The following NRCAM variants were observed in gnomAD, a reference collection of about 807,000 sequenced individuals.
The protein encoded by NRCAM is neuronal cell adhesion molecule.
In NRCAM, 83 loss-of-function variants were observed where a neutral mutation model predicts 156.5. That is an observed-to-expected ratio of 0.53 (90% confidence interval 0.44 to 0.64). The LOEUF (loss-of-function observed/expected upper bound fraction) is 0.64. NRCAM is among the 30% of genes least tolerant of loss of function. NRCAM has a pLI of 0.00. For missense variants in NRCAM, 1,417 were observed against 1,597.3 expected (o/e 0.89, Z 1.92); for synonymous variants, 538 against 563.9 (o/e 0.95, Z 0.65).
At chr7:108,343,626 C>T (rs1320226370) in intron 2 of NRCAM, among the ~76,000 whole-genome samples, 1 of 152,182 alleles carries the variant, frequency 6.6e-6, no homozygotes, top group Admixed American at 6.5e-5. Flanking sequence ...GTTTCCTCCC[C>T]TCAGGATGGC....
chr7:108,209,053 G>A (rs1283360762), intron 12 of NRCAM, among the ~76,000 whole-genome samples: 2 of 152,092 alleles, frequency 1.3e-5, no homozygotes, highest in East Asian at 1.9e-4. Context: ...TAATTTCTGC[G>A]GGATAGAAAC....
At chr7:108,234,717 A>T in intron 5 of NRCAM, 29 bp from the exon 6 acceptor site, 1 of 1,476,166 alleles carries the variant, frequency 6.8e-7, no homozygotes, top group Non-Finnish European at 9.5e-7. Flanking sequence ...AAAATGTAAA[A>T]AAACAAATTA....
chr7:108,383,547 A>C (rs2099711324), intron 2 of NRCAM, among the ~76,000 whole-genome samples: 1 of 152,206 alleles, frequency 6.6e-6, no homozygotes, highest in African/African-American at 2.4e-5. Context: ...TGCAGACTTC[A>C]ACGGAGTTCC....
At chr7:108,309,899 T>A (rs1252606040) in intron 3 of NRCAM, among the ~76,000 whole-genome samples, 6 of 152,132 alleles carry the variant, frequency 3.9e-5, no homozygotes, top group Non-Finnish European at 8.8e-5. Context: ...TAAAATTGTA[T>A]AACTATTAGG....
chr7:108,393,997 G>T (rs1291024195), intron 2 of NRCAM, among the ~76,000 whole-genome samples: 1 of 152,182 alleles, frequency 6.6e-6, no homozygotes, highest in Non-Finnish European at 1.5e-5. Flanking sequence ...AACAGGACAA[G>T]GGAGTCAGAG....
chr7:108,276,765 T>C (rs1563071728), intron 3 of NRCAM, among the ~76,000 whole-genome samples: 1 of 152,226 alleles, frequency 6.6e-6, no homozygotes, highest in Non-Finnish European at 1.5e-5. Context: ...GGTGTGAATT[T>C]GATCCTGTCA....
At chr7:108,375,796 G>T (rs1389327053) in intron 2 of NRCAM, among the ~76,000 whole-genome samples, 3 of 152,096 alleles carry the variant, frequency 2.0e-5, no homozygotes, top group African/African-American at 7.2e-5. Context: ...ACAAACATGT[G>T]AAGTTTAAAA....
At chr7:108,369,178 A>C (rs568336895) in intron 2 of NRCAM, among the ~76,000 whole-genome samples, 1 of 152,212 alleles carries the variant, frequency 6.6e-6, no homozygotes, top group Admixed American at 6.5e-5. Context: ...AGAATATTCA[A>C]ACAAGCCTAT....
intron 3 of NRCAM, among the ~76,000 whole-genome samples, chr7:108,258,268 G>GCGT (rs1477695970): frequency 1.3e-5 from 2 of 152,214 alleles, no homozygotes; most frequent in Non-Finnish European, 2.9e-5. Flanking sequence ...CAACAGCCTT[G>GCGT]CGTGTGGTGC....
Position 108,331,551 on chromosome 7 carries a change from T to C in NRCAM, c.-173-18820A>G, listed in dbSNP as rs553996557. Among the ~76,000 whole-genome samples, 232 of 152,344 alleles carry C rather than the reference T, an allele frequency of 1.5e-3. 3 individuals are homozygous for C. Among genetic ancestry groups the C allele is most frequent in the Non-Finnish European group, 2.7e-3 (183 of 68,028 alleles). On this transcript the variant is annotated intron_variant, in intron 2 of 32. Coordinates refer to ENST00000379028, the MANE Select transcript of NRCAM (RefSeq NM_001037132.4). ...TTCCTTATATGTAAAATCAGGATAA[T>C]ATAGTACCTTCTTTGGAAGGCTATT...
chr7:108,326,064 C>T (rs559257676), intron 2 of NRCAM, among the ~76,000 whole-genome samples: 1 of 152,190 alleles, frequency 6.6e-6, no homozygotes, highest in East Asian at 1.9e-4. Flanking sequence ...CTGAGTATCT[C>T]ATTATTTTAA....
intron 3 of NRCAM, among the ~76,000 whole-genome samples, chr7:108,290,431 C>G (rs958556185): frequency 6.6e-6 from 1 of 152,120 alleles, no homozygotes; most frequent in Non-Finnish European, 1.5e-5. Flanking sequence ...GGGAACAACA[C>G]CATTCTTATC....
At chr7:108,272,706 T>A (rs774102097) in intron 3 of NRCAM, among the ~76,000 whole-genome samples, 1 of 152,048 alleles carries the variant, frequency 6.6e-6, no homozygotes, top group Non-Finnish European at 1.5e-5. Flanking sequence ...TATATCATGT[T>A]ATCTTTCAAA....
chr7:108,166,824 C>T, intron 30 of NRCAM, 97 bp downstream of exon 30: 2 of 1,151,358 alleles, frequency 1.7e-6, no homozygotes, highest in Non-Finnish European at 2.5e-6. Context: ...TCATGCCCTA[C>T]CCATAACACA....
At chr7:108,235,787 C>T (rs990653403) in intron 5 of NRCAM, among the ~76,000 whole-genome samples, 4 of 152,130 alleles carry the variant, frequency 2.6e-5, no homozygotes, top group African/African-American at 4.8e-5. Context: ...CATCTAACAA[C>T]GTACAGGACA....
chr7:108,227,527 C>T (rs1041979713), intron 8 of NRCAM, among the ~76,000 whole-genome samples: 1 of 152,218 alleles, frequency 6.6e-6, no homozygotes, highest in Non-Finnish European at 1.5e-5. Flanking sequence ...TACCCACAGT[C>T]ACCCTACTGT....
chr7:108,318,310 G>T (rs1438123590), intron 2 of NRCAM, among the ~76,000 whole-genome samples: 1 of 152,016 alleles, frequency 6.6e-6, no homozygotes, highest in Admixed American at 6.6e-5. Context: ...CTCCCAAAGT[G>T]TTGGGATTAC....
intron 10 of NRCAM, among the ~76,000 whole-genome samples, chr7:108,224,637 T>C (rs1305613068): frequency 6.6e-6 from 1 of 152,138 alleles, no homozygotes; most frequent in Non-Finnish European, 1.5e-5. Flanking sequence ...TTTCAACTCT[T>C]TAATGCATTA....
At chr7:108,155,793 A>T (rs1484693062) in intron 32 of NRCAM, among the ~76,000 whole-genome samples, 3 of 152,046 alleles carry the variant, frequency 2.0e-5, no homozygotes, top group South Asian at 2.1e-4. Flanking sequence ...ATTTTAGAAA[A>T]TTTTTTTAAA....
Sources: allele counts gnomAD v4.1 joint callset (sites outside exome capture counted in the v4.1 genomes callset), GRCh38; gene constraint gnomAD v4.1.1; transcripts MANE v1.5; gene names NCBI Gene and HGNC (gene_info 2026-07-23, HGNC 2026-07-21).